RNF157: variants seen among roughly 807,000 people sequenced by gnomAD.
RNF157 encodes ring finger protein 157.
RNF157 carries 55 observed loss-of-function variants against 88.3 expected under a neutral mutation model. That is an observed-to-expected ratio of 0.62 (90% confidence interval 0.50 to 0.78). The LOEUF is 0.78. Ranked by LOEUF, RNF157 falls within the 30% of genes least tolerant of loss-of-function variation. RNF157 has a pLI of 0.00. For missense variants in RNF157, 788 were observed against 860.8 expected (o/e 0.92, Z 1.06); for synonymous variants, 334 against 341.2 (o/e 0.98, Z 0.23).
rs141947972 is a variant in RNF157 at position 76,198,532 on chromosome 17, A to G, written c.207+13832T>C. ...TGGGGGGCCTGAACATACTCTAATT[A>G]CCACACCCTAGATTCTGCCCCACAC... On this transcript the variant is annotated intron_variant, in intron 2 of 18. Coordinates refer to ENST00000269391, the MANE Select transcript of RNF157 (RefSeq NM_052916.3). Among the ~76,000 whole-genome samples, 195 of 152,214 alleles carry G rather than the reference A, an allele frequency of 1.3e-3. 2 individuals are homozygous for G. Among genetic ancestry groups the G allele is most frequent in the African/African-American group, 4.3e-3 (179 of 41,514 alleles).
chr17:76,205,877 T>G (rs1027352783), intron 2 of RNF157, among the ~76,000 whole-genome samples: 10 of 151,988 alleles, frequency 6.6e-5, no homozygotes, highest in African/African-American at 2.4e-4. Context: ...AGGAACTAGG[T>G]TAAAACTCAA....
Position 76,173,699 on chromosome 17 carries a change from T to A in RNF157, c.296+3A>T. ...GACCTGGCCCCAGCCTCTGGGAACT[T>A]ACTTGACGAGCCTCAGTGTGTCCTT... On this transcript the variant is annotated splice_donor_region_variant and intron_variant, in intron 3 of 18. Transcript: ENST00000269391. The A allele has an allele frequency of 6.2e-7, 1 of 1,602,354 alleles. No individual in the cohort carries two copies. The highest frequency in any genetic ancestry group is 8.5e-7 in the Non-Finnish European group (1 of 1,173,148).
intron 3 of RNF157, among the ~76,000 whole-genome samples, chr17:76,169,801 G>A (rs907229834): frequency 8.6e-5 from 13 of 151,470 alleles, no homozygotes; most frequent in African/African-American, 3.2e-4. Context: ...GGCTGGTCTC[G>A]AACTCCTGAC....
chr17:76,237,522 C>T (rs1157161336), intron 1 of RNF157, among the ~76,000 whole-genome samples: 1 of 152,152 alleles, frequency 6.6e-6, no homozygotes. Flanking sequence ...AATTATGACA[C>T]GAAATAGCCT....
chr17:76,203,119 C>T (rs973339630), intron 2 of RNF157, among the ~76,000 whole-genome samples: 1 of 151,554 alleles, frequency 6.6e-6, no homozygotes, highest in Non-Finnish European at 1.5e-5. Context: ...GCCTCCCAAG[C>T]GGCTGGGATT....
chr17:76,151,970 G>A (rs569053278), intron 18 of RNF157, among the ~76,000 whole-genome samples: 3 of 152,146 alleles, frequency 2.0e-5, no homozygotes, highest in Non-Finnish European at 2.9e-5. Context: ...TTTAAAGGGC[G>A]CAGGCAATCC....
At chr17:76,182,086 G>A (rs1422396197) in intron 2 of RNF157, among the ~76,000 whole-genome samples, 1 of 152,094 alleles carries the variant, frequency 6.6e-6, no homozygotes, top group East Asian at 1.9e-4. Context: ...CTTGCATCTG[G>A]TGCCCTGCAT....
At chr17:76,185,510 C>T (rs2069268718) in intron 2 of RNF157, among the ~76,000 whole-genome samples, 1 of 142,362 alleles carries the variant, frequency 7.0e-6, no homozygotes, top group African/African-American at 2.8e-5. Flanking sequence ...CGCTCTGTCG[C>T]CCAGGCTGGA....
At chr17:76,172,097 C>A (rs1003066420) in intron 3 of RNF157, among the ~76,000 whole-genome samples, 1 of 152,206 alleles carries the variant, frequency 6.6e-6, no homozygotes, top group Non-Finnish European at 1.5e-5. Flanking sequence ...ATCTCTCCTC[C>A]CCAGAGTTGA....
intron 1 of RNF157, among the ~76,000 whole-genome samples, chr17:76,230,935 C>CTTTTT (rs149390437): frequency 7.5e-6 from 1 of 132,630 alleles, no homozygotes; most frequent in Non-Finnish European, 1.6e-5. Context: ...AAGATTTAAT[C>CTTTTT]TTTTTTTTTT....
At chr17:76,200,993 C>A (rs2069567188) in intron 2 of RNF157, among the ~76,000 whole-genome samples, 1 of 152,098 alleles carries the variant, frequency 6.6e-6, no homozygotes, top group Non-Finnish European at 1.5e-5. Flanking sequence ...GCGAGCAGAC[C>A]CTACCTTTCC....
intron 2 of RNF157, among the ~76,000 whole-genome samples, chr17:76,199,570 TA>T (rs34151599): frequency 0.28 from 31,523 of 110,970 alleles, 4,051 homozygotes; most frequent in East Asian, 0.55. Context: ...AGCTGAAAGT[TA>T]AAAAAAAAAA....
intron 18 of RNF157, among the ~76,000 whole-genome samples, chr17:76,150,953 A>G (rs977044659): frequency 6.6e-6 from 1 of 152,270 alleles, no homozygotes; most frequent in Non-Finnish European, 1.5e-5. Context: ...ATGAGTTTAG[A>G]AAATAAACAA....
chr17:76,145,564 G>A (rs2068572519), intron 18 of RNF157: 2 of 503,686 alleles, frequency 4.0e-6, no homozygotes, highest in African/African-American at 3.9e-5. Flanking sequence ...CCCTGGGCTA[G>A]GTACAGTCAC....
intron 1 of RNF157, among the ~76,000 whole-genome samples, chr17:76,232,537 T>G (rs1227479263): frequency 6.6e-6 from 1 of 152,252 alleles, no homozygotes. Context: ...TTGGCTATTA[T>G]GAGCAATGCC....
chr17:76,200,898 G>A (rs923393619), intron 2 of RNF157, among the ~76,000 whole-genome samples: 1 of 152,032 alleles, frequency 6.6e-6, no homozygotes, highest in African/African-American at 2.4e-5. Flanking sequence ...CGAGCTCCCT[G>A]ACTCTCCTCC....
intron 18 of RNF157, among the ~76,000 whole-genome samples, chr17:76,151,087 G>T (rs2068667378): frequency 6.6e-6 from 1 of 152,254 alleles, no homozygotes. Flanking sequence ...TCCAGTCCAG[G>T]CCTAACTGGC....
At chr17:76,236,032 T>A (rs1256533563) in intron 1 of RNF157, among the ~76,000 whole-genome samples, 1 of 152,274 alleles carries the variant, frequency 6.6e-6, no homozygotes, top group East Asian at 1.9e-4. Context: ...TTTAATTTTT[T>A]AAAATCTACA....
intron 2 of RNF157, among the ~76,000 whole-genome samples, chr17:76,194,162 C>A (rs368916655): frequency 1.3e-5 from 2 of 152,166 alleles, no homozygotes; most frequent in Non-Finnish European, 2.9e-5. Context: ...GTGTAACCAC[C>A]ATTACAAACA....
Sources: gnomAD v4.1 joint callset for allele counts (sites outside exome capture counted in the v4.1 genomes callset) on GRCh38, gnomAD v4.1.1 for gene constraint, MANE v1.5 for transcripts, NCBI Gene and HGNC (gene_info 2026-07-23, HGNC 2026-07-21) for gene names.